NEDD1: variants seen among roughly 807,000 people sequenced by gnomAD.
NEDD1 encodes protein NEDD1.
Under a neutral mutation model 74.0 loss-of-function variants are expected in NEDD1, and 33 were observed. That is an observed-to-expected ratio of 0.45 (90% confidence interval 0.34 to 0.60). The LOEUF is 0.60. Among genes scored for constraint, NEDD1 ranks in the 20% least tolerant of loss-of-function variants. NEDD1 has a pLI of 0.01. For synonymous variants in NEDD1, 250 were observed against 264.4 expected (o/e 0.95, Z 0.53); for missense variants, 746 against 776.5 (o/e 0.96, Z 0.47).
chr12:96,936,263 C>G (rs895382771), intron 7 of NEDD1, among the ~76,000 whole-genome samples: 1 of 152,202 alleles, frequency 6.6e-6, no homozygotes, highest in Non-Finnish European at 1.5e-5. Context: ...CCTCCTCAAC[C>G]ATGAGGCCAG....
chr12:96,911,068 C>T (rs2136507265), intron 3 of NEDD1, among the ~76,000 whole-genome samples: 1 of 152,258 alleles, frequency 6.6e-6, no homozygotes, highest in South Asian at 2.1e-4. Context: ...TACTTTGGTA[C>T]TCTGTTAATC....
At chr12:96,920,604 A>G (rs1299618058) in intron 6 of NEDD1, among the ~76,000 whole-genome samples, 31 of 152,156 alleles carry the variant, frequency 2.0e-4, no homozygotes, top group Admixed American at 2.0e-3. Context: ...TATATATTTC[A>G]GGTTAATATA....
chr12:96,911,151 G>A (rs1873880037), intron 3 of NEDD1, among the ~76,000 whole-genome samples: 1 of 152,166 alleles, frequency 6.6e-6, no homozygotes, highest in Non-Finnish European at 1.5e-5. Context: ...TTTAAAGAGA[G>A]CGACAAGTAT....
At position 96,936,649 on chromosome 12, in the gene NEDD1, C is replaced by T. The variant is rs757045227; in HGVS notation, c.758C>T (p.Ala253Val). 42 of 1,613,476 alleles carry T rather than the reference C, an allele frequency of 2.6e-5. No individual in the cohort carries two copies. Among genetic ancestry groups the T allele is most frequent in the African/African-American group, 4.0e-5 (3 of 74,900 alleles). The change falls in exon 8 of 16, where the codon GCG becomes GTG. Residue 253 changes from alanine to valine, a missense_variant. Physicochemically the swap from Ala to Val is moderately conservative, Grantham distance 64. Transcript: ENST00000266742. ...KTLVADTPLT[A>V]VDFMPDGATL... ...TTAGTGGCTGACACTCCTCTAACTG[C>T]GGTAGATTTCATGCCTGATGGAGCC... is the stretch of plus-strand genomic sequence containing the variant.
intron 3 of NEDD1, among the ~76,000 whole-genome samples, chr12:96,910,296 G>T (rs1311842710): frequency 3.3e-5 from 5 of 152,194 alleles, no homozygotes. Flanking sequence ...GATCTGAACT[G>T]AAAATTAAAG....
intron 5 of NEDD1, among the ~76,000 whole-genome samples, chr12:96,919,044 G>A (rs1020972908): frequency 6.6e-6 from 1 of 152,122 alleles, no homozygotes; most frequent in Admixed American, 6.5e-5. Flanking sequence ...TAGATACAGG[G>A]CTTAGTTTGT....
At chr12:96,949,359 G>A (rs1353892331) in intron 14 of NEDD1, among the ~76,000 whole-genome samples, 1 of 152,142 alleles carries the variant, frequency 6.6e-6, no homozygotes, top group Non-Finnish European at 1.5e-5. Flanking sequence ...AAAACAATAA[G>A]TTACTTGGGA....
chr12:96,935,361 C>T (rs942168588), intron 7 of NEDD1, among the ~76,000 whole-genome samples, 156 bp downstream of exon 7: 4 of 151,986 alleles, frequency 2.6e-5, no homozygotes. Flanking sequence ...TCTTCTTATG[C>T]AGAAAGAAAT....
At chr12:96,907,572 T>C in intron 1 of NEDD1, 32 bp from the exon 2 acceptor site, 2 of 1,547,890 alleles carry the variant, frequency 1.3e-6, no homozygotes, top group Non-Finnish European at 1.7e-6. Context: ...TGTCTCCTTT[T>C]TTGTCAACCT....
chr12:96,937,919 C>G (rs1026888892), intron 9 of NEDD1, among the ~76,000 whole-genome samples: 28 of 151,864 alleles, frequency 1.8e-4, no homozygotes, highest in African/African-American at 6.5e-4. Flanking sequence ...ATATTTCTTG[C>G]TCACAATAAA....
chr12:96,949,475 G>A (rs1385232685), intron 14 of NEDD1, among the ~76,000 whole-genome samples: 1 of 151,996 alleles, frequency 6.6e-6, no homozygotes, highest in Non-Finnish European at 1.5e-5. Context: ...AAAGATATTA[G>A]TTCACCTAAA....
chr12:96,942,037 T>C (rs1565809795), intron 10 of NEDD1, among the ~76,000 whole-genome samples: 1 of 152,160 alleles, frequency 6.6e-6, no homozygotes, highest in Non-Finnish European at 1.5e-5. Flanking sequence ...ATTTTTGTTA[T>C]GGACTGGCAA....
At chr12:96,908,404 A>C (rs1266566338) in intron 2 of NEDD1, among the ~76,000 whole-genome samples, 1 of 151,988 alleles carries the variant, frequency 6.6e-6, no homozygotes, top group Non-Finnish European at 1.5e-5. Flanking sequence ...GTAGTCTTGC[A>C]CTTTCCATAC....
rs376601103 is a variant in NEDD1, at chr12:96,944,782, A to T, written c.1641A>T (p.Gly547=). ...TGATATGTGAACCCCCAATCAATGGATCCTCAACTCCAAGTAAGTACATGA... is the reference window on the plus strand; with the variant it reads ...TGATATGTGAACCCCCAATCAATGGTTCCTCAACTCCAAGTAAGTACATGA... ...AQLICEPPIN[G]SSTPNPKIAS... The change falls in exon 13 of 16, where the codon GGA becomes GGT. Residue 547 remains glycine (G), a synonymous_variant. Transcript: ENST00000266742. 1 of 1,556,866 alleles carries T rather than the reference A, an allele frequency of 6.4e-7. No individual in the cohort carries two copies. Among genetic ancestry groups the T allele is most frequent in the African/African-American group, 1.4e-5 (1 of 71,284 alleles).
At position 96,942,190 on chromosome 12, in the gene NEDD1, A is replaced by ATCCCCAT. The variant is rs1877727978; in HGVS notation, c.1247-385_1247-379dup. On this transcript the variant is annotated intron_variant, in intron 10 of 15. Transcript: ENST00000266742. ...AATTTTGTGAGCTTATCTGGACATT[A>ATCCCCAT]TCCCCATTTTATAGATGCAGAAACT... Among the ~76,000 whole-genome samples the ATCCCCAT allele has an allele frequency of 2.6e-5, 4 of 152,236 alleles. No individual in the cohort carries two copies. The South Asian group carries it at 8.3e-4, about 32-fold the overall frequency.
chr12:96,939,876 G>T (rs867425343), intron 9 of NEDD1, among the ~76,000 whole-genome samples: 1 of 151,966 alleles, frequency 6.6e-6, no homozygotes, highest in South Asian at 2.1e-4. Context: ...AATGCTGAGG[G>T]CAATGTTAAG....
chr12:96,929,431 C>G (rs1344333441), intron 6 of NEDD1, among the ~76,000 whole-genome samples: 2 of 140,006 alleles, frequency 1.4e-5, no homozygotes, highest in Non-Finnish European at 3.1e-5. Flanking sequence ...TCCTTGTTCT[C>G]TTTGTTTTCA....
intron 11 of NEDD1, among the ~76,000 whole-genome samples, chr12:96,943,192 C>T (rs1011504448): frequency 6.6e-6 from 1 of 151,990 alleles, no homozygotes; most frequent in Non-Finnish European, 1.5e-5. Context: ...TCAGAAATTG[C>T]CTTCCAAGAT....
chr12:96,939,860 A>T (rs1448397758), intron 9 of NEDD1, among the ~76,000 whole-genome samples: 1 of 151,968 alleles, frequency 6.6e-6, no homozygotes, highest in African/African-American at 2.4e-5. Context: ...GTCATTTGAG[A>T]TCTGTAATGC....
Sources: allele counts gnomAD v4.1 joint callset (sites outside exome capture counted in the v4.1 genomes callset), GRCh38; gene constraint gnomAD v4.1.1; transcripts MANE v1.5; gene names NCBI Gene and HGNC (gene_info 2026-07-23, HGNC 2026-07-21).